BLTP3B: variants seen among roughly 807,000 people sequenced by gnomAD.
BLTP3B encodes the protein bridge-like lipid transfer protein family member 3B.
the BLTP3B span, chr12:100,108,301 G>T: frequency 7.4e-7 from 1 of 1,360,088 alleles, no homozygotes; most frequent in Non-Finnish European, 1.0e-6. Flanking sequence ...CTAAAATTAA[G>T]TATTTTAAAA....
the BLTP3B span, among the ~76,000 whole-genome samples, chr12:100,111,592 T>C: frequency 1.3e-5 from 2 of 150,678 alleles, no homozygotes; most frequent in African/African-American, 2.5e-5. Flanking sequence ...GCTAGTTTTT[T>C]GTTTTTTTTT....
chr12:100,094,750 C>G, the BLTP3B span, among the ~76,000 whole-genome samples: 1 of 152,158 alleles, frequency 6.6e-6, no homozygotes, highest in Non-Finnish European at 1.5e-5. Context: ...GTCCCAGCTA[C>G]GCGGGGGGCT....
At chr12:100,120,980 A>G in the BLTP3B span, among the ~76,000 whole-genome samples, 1 of 152,376 alleles carries the variant, frequency 6.6e-6, no homozygotes, top group East Asian at 1.9e-4. Context: ...ATACGATAAA[A>G]TAGATTAATT....
At chr12:100,078,775 G>C in the BLTP3B span, among the ~76,000 whole-genome samples, 1 of 152,110 alleles carries the variant, frequency 6.6e-6, no homozygotes, top group East Asian at 1.9e-4. Context: ...GTACTGTGGG[G>C]GTGATATGGT....
chr12:100,130,978 G>GA, the BLTP3B span, among the ~76,000 whole-genome samples: 7 of 31,146 alleles, frequency 2.2e-4, no homozygotes, highest in East Asian at 2.2e-3. Context: ...AGAGAGAGAG[G>GA]GAGGGAGAGA....
At chr12:100,082,655 C>T in the BLTP3B span, among the ~76,000 whole-genome samples, 1 of 152,222 alleles carries the variant, frequency 6.6e-6, no homozygotes, top group African/African-American at 2.4e-5. Context: ...GAAAGCATTT[C>T]CCCACTGCTT....
At chr12:100,068,311 C>A in the BLTP3B span, among the ~76,000 whole-genome samples, 1 of 152,184 alleles carries the variant, frequency 6.6e-6, no homozygotes, top group African/African-American at 2.4e-5. Context: ...GAGAATGAAA[C>A]TGGATCTTCT....
the BLTP3B span, among the ~76,000 whole-genome samples, chr12:100,065,446 T>C: frequency 1.4e-4 from 22 of 152,154 alleles, no homozygotes; most frequent in Non-Finnish European, 2.5e-4. Flanking sequence ...GTAGTGAAGA[T>C]ATCGCTAAAT....
chr12:100,117,341 T>C, the BLTP3B span, among the ~76,000 whole-genome samples: 350 of 152,288 alleles, frequency 2.3e-3, 1 homozygote, highest in African/African-American at 8.1e-3. Flanking sequence ...TACCCCTGAT[T>C]TGACATAATA....
the BLTP3B span, chr12:100,058,406 C>A: frequency 6.2e-7 from 1 of 1,611,462 alleles, no homozygotes; most frequent in East Asian, 2.2e-5. Context: ...TGCCTTTTTG[C>A]AGATTTGTAT....
chr12:100,115,378 C>T, the BLTP3B span, among the ~76,000 whole-genome samples: 2 of 152,208 alleles, frequency 1.3e-5, no homozygotes, highest in African/African-American at 4.8e-5. Context: ...CACACTCCAG[C>T]CTAGGCGACA....
chr12:100,059,136 C>T, the BLTP3B span: 9 of 1,614,074 alleles, frequency 5.6e-6, no homozygotes, highest in Non-Finnish European at 5.1e-6. Flanking sequence ...ACTTATTGGC[C>T]GTCCTTTTCC....
chr12:100,081,078 T>C, the BLTP3B span, among the ~76,000 whole-genome samples: 1 of 152,092 alleles, frequency 6.6e-6, no homozygotes, highest in Non-Finnish European at 1.5e-5. Flanking sequence ...CCACATAAGA[T>C]GTGATTTGCT....
At chr12:100,107,411 G>A in the BLTP3B span, among the ~76,000 whole-genome samples, 7 of 151,290 alleles carry the variant, frequency 4.6e-5, no homozygotes, top group South Asian at 1.0e-3. Context: ...GGGCACGGGC[G>A]GATCACAAGG....
the BLTP3B span, among the ~76,000 whole-genome samples, chr12:100,106,023 C>T: frequency 2.6e-5 from 4 of 152,016 alleles, no homozygotes; most frequent in Admixed American, 6.6e-5. Context: ...TTTTTCCAGC[C>T]AGAATGGCCA....
chr12:100,059,638 C>A, the BLTP3B span: 1 of 1,273,766 alleles, frequency 7.9e-7, no homozygotes, highest in Non-Finnish European at 1.1e-6. Context: ...ACCTTTCCCC[C>A]AAAATACTAC....
the BLTP3B span, among the ~76,000 whole-genome samples, chr12:100,094,988 C>T: frequency 5.3e-4 from 80 of 152,202 alleles, no homozygotes; most frequent in Admixed American, 4.8e-3. Flanking sequence ...TATTTAGTTA[C>T]GTTTTTACTA....
At chr12:100,100,528 A>G in the BLTP3B span, among the ~76,000 whole-genome samples, 6 of 151,856 alleles carry the variant, frequency 4.0e-5, no homozygotes, top group African/African-American at 1.5e-4. Flanking sequence ...TAGGCAACAC[A>G]TGGAGACCAC....
chr12:100,055,677 CAAAAAAAAA>C, the BLTP3B span, among the ~76,000 whole-genome samples: 11 of 83,350 alleles, frequency 1.3e-4, no homozygotes, highest in African/African-American at 3.6e-4. Context: ...AACTACATCT[CAAAAAAAAA>C]AAAAAAAAAA....
Sources: allele counts gnomAD v4.1 joint callset (sites outside exome capture counted in the v4.1 genomes callset), GRCh38; gene constraint gnomAD v4.1.1; transcripts MANE v1.5; gene names NCBI Gene and HGNC (gene_info 2026-07-23, HGNC 2026-07-21).